Variants in POLR2E observed in about 807,000 individuals in gnomAD.
POLR2E encodes RNA polymerase II, I and III subunit E.
In POLR2E, 35 loss-of-function variants were observed where a neutral mutation model predicts 29.8. The observed-to-expected ratio is 1.17, with a 90% CI of 0.90 to 1.55. The LOEUF (loss-of-function observed/expected upper bound fraction) is 1.55, where lower values mean the gene tolerates loss of function less well. Among genes scored for constraint, POLR2E ranks in the 40% most tolerant of loss-of-function variants. The probability of loss-of-function intolerance (pLI) is 0.00; values close to 1 mark genes in which losing one functional copy is unlikely to be tolerated. For synonymous variants in POLR2E, 174 were observed against 112.6 expected (o/e 1.55, Z -3.45); for missense variants, 287 against 288.6 (o/e 0.99, Z 0.04).
intron 3 of POLR2E, among the ~76,000 whole-genome samples, chr19:1,091,205 G>A (rs1172040699): frequency 6.6e-6 from 1 of 152,210 alleles, no homozygotes; most frequent in East Asian, 1.9e-4. Context: ...AAGTGGCCGT[G>A]GAAACTCGGA....
intron 3 of POLR2E, 79 bp from the exon 4 acceptor site, chr19:1,091,067 G>T: frequency 8.0e-7 from 1 of 1,251,514 alleles, no homozygotes; most frequent in Non-Finnish European, 1.2e-6. Context: ...AAGCTACCTG[G>T]GGCTTACTCG....
intron 7 of POLR2E, among the ~76,000 whole-genome samples, chr19:1,089,033 G>A (rs962886249): frequency 6.6e-6 from 1 of 152,218 alleles, no homozygotes; most frequent in Non-Finnish European, 1.5e-5. Context: ...CTCGCCATGG[G>A]CAGAGGCTGT....
rs760122745 is a variant in POLR2E at position 1,090,150 on chromosome 19, CGA to C, written c.430-7_430-6del. 1.2e-5 allele frequency: 20 copies of C among 1,612,266 alleles called. No individual in the cohort carries two copies. The highest frequency in any genetic ancestry group is 1.0e-4 in the Admixed American group (6 of 59,986). ...GACGACGTGCTCAGGGACTAGCTGC[CGA>C]GAGAGGAAGCCACCAGGCATCACCA... On this transcript the variant is annotated splice_polypyrimidine_tract_variant and splice_region_variant and intron_variant, in intron 4 of 7. Transcript: ENST00000615234.
rs557150639 is a variant in POLR2E at position 1,087,452 on chromosome 19, C to A, written c.*1283G>T. 6.6e-6 allele frequency: 1 copy of A among 152,476 alleles called. No individual in the cohort carries two copies. The highest frequency in any genetic ancestry group is 6.5e-5 in the Admixed American group (1 of 15,298). 9.4% of individuals were successfully genotyped at this position (152,476 alleles called of 1,614,324 possible). A position where few individuals can be genotyped will look rare whatever the true frequency, so the allele number is the denominator to read the frequency against. Reference sequence around the variant, plus strand: ...ACAGGCGTGAGCCACCGCGCCCGGCCACCTCCAGAATTTTCTCATCTTCCC... The same window carrying A: ...ACAGGCGTGAGCCACCGCGCCCGGCAACCTCCAGAATTTTCTCATCTTCCC... On this transcript the variant is annotated 3_prime_UTR_variant, in exon 8 of 8. Coordinates refer to ENST00000615234, the MANE Select transcript of POLR2E (RefSeq NM_002695.5).
intron 4 of POLR2E, 27 bp from the exon 5 acceptor site, chr19:1,090,172 T>TCA (rs1314605477): frequency 1.2e-6 from 2 of 1,609,144 alleles, no homozygotes; most frequent in African/African-American, 2.7e-5. Context: ...CCACCAGGCA[T>TCA]CACCAAGGGC....
chr19:1,094,725 G>C, intron 1 of POLR2E: 1 of 161,524 alleles, frequency 6.2e-6, no homozygotes, highest in South Asian at 1.7e-4. Context: ...CTGAACCGCA[G>C]GTCCTCAGGC....
chr19:1,089,805 T>C (rs1402342206), intron 6 of POLR2E, 79 bp downstream of exon 6: 7 of 1,172,120 alleles, frequency 6.0e-6, no homozygotes, highest in Middle Eastern at 2.8e-4. Flanking sequence ...GGAGGGGCTG[T>C]CGGGGAGGGA....
Position 1,091,802 on chromosome 19 carries a change from G to A in POLR2E, c.338C>T (p.Ser113Phe), listed in dbSNP as rs1471158981. The change falls in exon 3 of 8, where the codon TCC becomes TTC. Residue 113 changes from serine to phenylalanine, a missense_variant. By Grantham distance (155) the Ser-to-Phe change is radical. Coordinates refer to ENST00000615234, the MANE Select transcript of POLR2E (RefSeq NM_002695.5). ...LIVVQQGMTP[S>F]AKQSLVDMAP... Reference sequence around the variant, plus strand: ...GGCAGGGGTGCCCACCTGCTTGGCGGAGGGTGTCATGCCCTGCTGCACCAC... The same window carrying A: ...GGCAGGGGTGCCCACCTGCTTGGCGAAGGGTGTCATGCCCTGCTGCACCAC... 1 of 1,607,296 alleles carries A rather than the reference G, an allele frequency of 6.2e-7. No homozygotes were observed. The highest frequency in any genetic ancestry group is 1.1e-5 in the South Asian group (1 of 90,976).
chr19:1,089,881 C>CA lies in POLR2E; in HGVS notation c.567+2dup. The CA allele has an allele frequency of 6.2e-7, 1 of 1,610,412 alleles. No individual in the cohort carries two copies. The highest frequency in any genetic ancestry group is 8.5e-7 in the Non-Finnish European group (1 of 1,178,592). ...CAGGGCCCCTTCTCCCCACAGGGCT[C>CA]ACCTGCCCACGCTTTATCCCAAAGT... On this transcript the variant is annotated splice_region_variant and intron_variant, in intron 6 of 7. Coordinates refer to ENST00000615234, the MANE Select transcript of POLR2E (RefSeq NM_002695.5).
chr19:1,091,830 T>C lies in POLR2E; in HGVS notation c.310A>G (p.Ile104Val). 1 of 1,612,820 alleles carries C rather than the reference T, an allele frequency of 6.2e-7. No homozygotes were observed. Among genetic ancestry groups the C allele is most frequent in the Non-Finnish European group, 8.5e-7 (1 of 1,179,792 alleles). ...GGTGTCATGCCCTGCTGCACCACGA[T>C]GAGAGCCCGTGTGATGTTCTCCTCC... The part of the protein sequence containing the change: ...MQEENITRAL[I>V]VVQQGMTPSA... The change falls in exon 3 of 8, where the codon ATC (isoleucine) becomes GTC (valine). Residue 104 changes from isoleucine (I) to valine (V), a missense_variant. Ile to Val is a conservative substitution (Grantham distance 29). Transcript: ENST00000615234.
chr19:1,089,731 T>C (rs537117544), intron 6 of POLR2E, 153 bp downstream of exon 6: 12 of 793,904 alleles, frequency 1.5e-5, no homozygotes. Context: ...CCAGTGGCCC[T>C]GGCTTTAAGA....
intron 6 of POLR2E, 88 bp downstream of exon 6, chr19:1,089,790 AAGGGGG>A: frequency 9.4e-7 from 1 of 1,059,444 alleles, no homozygotes; most frequent in Non-Finnish European, 1.4e-6. Context: ...GCCCTGGATC[AAGGGGG>A]AGGGGCTGTC....
intron 3 of POLR2E, 198 bp downstream of exon 3, chr19:1,091,594 G>A (rs946271728): frequency 5.2e-5 from 30 of 581,524 alleles, no homozygotes; most frequent in Admixed American, 8.7e-5. Context: ...GGGGGAGGAC[G>A]GCGGCTGCCT....
rs375882249 is a variant in POLR2E, at chr19:1,089,512, A to G, written c.607T>C (p.Tyr203His). The G allele has an allele frequency of 1.2e-6, 2 of 1,613,448 alleles. No individual in the cohort carries two copies. Among genetic ancestry groups the G allele is most frequent in the Non-Finnish European group, 1.7e-6 (2 of 1,179,768 alleles). Residue 203 changes from tyrosine to histidine, a missense_variant, in exon 7 of 8, where the codon TAC becomes CAC. Coordinates refer to ENST00000615234, the MANE Select transcript of POLR2E (RefSeq NM_002695.5). ...IIRPSETAGR[Y>H]ITYRLVQ ...TACTGCACCAGCCGGTAGGTGATGTACCTGCCAGCCGTCTCACTGGGCCGG... is the reference window on the plus strand; with the variant it reads ...TACTGCACCAGCCGGTAGGTGATGTGCCTGCCAGCCGTCTCACTGGGCCGG...
intron 2 of POLR2E, 129 bp downstream of exon 2, chr19:1,093,775 G>A: frequency 7.1e-7 from 1 of 1,417,622 alleles, no homozygotes; most frequent in Non-Finnish European, 9.2e-7. Flanking sequence ...GGGGAGGGGA[G>A]TTTTCCTCCC....
chr19:1,093,202 A>C (rs1349286774), intron 2 of POLR2E, among the ~76,000 whole-genome samples: 3 of 152,132 alleles, frequency 2.0e-5, no homozygotes, highest in African/African-American at 7.2e-5. Context: ...CAAAAACAAA[A>C]AAAAAACAAA....
intron 2 of POLR2E, among the ~76,000 whole-genome samples, chr19:1,092,957 G>A (rs921382737): frequency 4.6e-5 from 7 of 151,318 alleles, no homozygotes; most frequent in Non-Finnish European, 7.4e-5. Flanking sequence ...AGGCCGAGGC[G>A]GGCGGATCAC....
Position 1,093,951 on chromosome 19 carries a change from A to G in POLR2E, c.185T>C (p.Val62Ala). Reference protein sequence around the residue: ...RPRRTDLTVLVAHNDDPTDQM... With the variant: ...RPRRTDLTVLAAHNDDPTDQM... ...GTCGGTGGGGTCATCGTTGTGGGCC[A>G]CCAGCACGGTGAGGTCCGTGCGCCG... Residue 62 changes from valine to alanine, a missense_variant, in exon 2 of 8, where the codon GTG (valine) becomes GCG (alanine). Physicochemically the swap from Val to Ala is moderately conservative, Grantham distance 64. Coordinates refer to ENST00000615234, the MANE Select transcript of POLR2E (RefSeq NM_002695.5). 1 of 1,612,702 alleles carries G rather than the reference A, an allele frequency of 6.2e-7. No individual in the cohort carries two copies. The highest frequency in any genetic ancestry group is 8.5e-7 in the Non-Finnish European group (1 of 1,179,522).
At chr19:1,091,055 T>C in intron 3 of POLR2E, 67 bp from the exon 4 acceptor site, 1 of 1,374,268 alleles carries the variant, frequency 7.3e-7, no homozygotes, top group Non-Finnish European at 1.0e-6. Flanking sequence ...ATTTCCTGCC[T>C]CAAGCTACCT....
Sources: gnomAD v4.1 joint callset for allele counts (sites outside exome capture counted in the v4.1 genomes callset) on GRCh38, gnomAD v4.1.1 for gene constraint, MANE v1.5 for transcripts, NCBI Gene and HGNC (gene_info 2026-07-23, HGNC 2026-07-21) for gene names.